The following SGCE variants were observed in gnomAD, a reference collection of about 807,000 sequenced individuals.
SGCE encodes the protein epsilon-sarcoglycan.
Under a neutral mutation model 57.8 loss-of-function variants are expected in SGCE, and 26 were observed. The observed-to-expected ratio is 0.45, with a 90% CI of 0.33 to 0.62. The LOEUF is 0.62. Ranked by LOEUF, SGCE falls within the 20% of genes least tolerant of loss-of-function variation. The pLI, the probability that SGCE is intolerant of heterozygous loss-of-function variation, is 0.02. For synonymous variants in SGCE, 183 were observed against 189.5 expected (o/e 0.97, Z 0.28); for missense variants, 468 against 548.6 (o/e 0.85, Z 1.47).
Position 94,656,007 on chromosome 7 carries a change from C to T in SGCE, c.92G>A (p.Gly31Asp). Residue 31 changes from glycine to aspartate, a missense_variant, in exon 1 of 11, where the codon GGC becomes GAC. Physicochemically the swap from Gly to Asp is moderately conservative, Grantham distance 94 (BLOSUM62 -1). Transcript: ENST00000648936. ...CCACTAACCTGTCAGCAAGAATGTG[C>T]CAGTGGTCGCGGGGCTCATCCTGCG... is the stretch of plus-strand genomic sequence containing the variant. The part of the protein sequence containing the change: ...GTRRMSPATT[G>D]TFLLTVYSIF... The T allele has an allele frequency of 1.9e-6, 3 of 1,609,480 alleles. No homozygotes were observed. The highest frequency in any genetic ancestry group is 2.6e-6 in the Non-Finnish European group (3 of 1,176,088).
chr7:94,587,618 T>G (rs1036965421), intron 10 of SGCE: 1 of 1,397,820 alleles, frequency 7.2e-7, no homozygotes, highest in Non-Finnish European at 9.2e-7. Context: ...CCTTCATCAA[T>G]CTCCTGAATG....
rs557783761 is a variant in SGCE, at chr7:94,614,718, T to C, written c.662+4040A>G. 3.9e-5 allele frequency among the ~76,000 whole-genome samples: 6 copies of C among 152,322 alleles called. No homozygotes were observed. The South Asian group carries it at 1.2e-3, about 32-fold the overall frequency. On this transcript the variant is annotated intron_variant, in intron 5 of 10. Transcript: ENST00000648936. ...AGGAGCCCTCTCTGTGATGCCTCAA[T>C]TGTGGTACTTAAAACACTGATTTTA... is the stretch of plus-strand genomic sequence containing the variant.
Position 94,618,816 on chromosome 7 carries a change from T to C in SGCE, c.604A>G (p.Thr202Ala). The C allele has an allele frequency of 1.2e-6, 2 of 1,614,068 alleles. No individual in the cohort carries two copies. The highest frequency in any genetic ancestry group is 1.7e-6 in the Non-Finnish European group (2 of 1,179,976). The change falls in exon 5 of 11, where the codon ACA becomes GCA. Residue 202 changes from threonine (T) to alanine (A), a missense_variant. By Grantham distance (58) the Thr-to-Ala change is moderately conservative. Coordinates refer to ENST00000648936, the MANE Select transcript of SGCE (RefSeq NM_003919.3). ...CTGCCACCCCTGTCTAGGGCCGATGTGATGTTTATGGCGTTCAGGCGCTCT... is the reference window on the plus strand; with the variant it reads ...CTGCCACCCCTGTCTAGGGCCGATGCGATGTTTATGGCGTTCAGGCGCTCT... ...QPERLNAINI[T>A]SALDRGGRVP...
At chr7:94,613,978 TAATAA>T (rs1801464797) in intron 5 of SGCE, among the ~76,000 whole-genome samples, 1 of 151,728 alleles carries the variant, frequency 6.6e-6, no homozygotes, top group Admixed American at 6.6e-5. Context: ...AAAACACATA[TAATAA>T]AATAAACAAG....
intron 10 of SGCE, chr7:94,587,562 T>C (rs1797069772): frequency 1.4e-5 from 18 of 1,328,508 alleles, no homozygotes; most frequent in Non-Finnish European, 1.5e-5. Context: ...GATTCATTTA[T>C]CTTTTTTCTC....
chr7:94,617,129 C>G (rs1042174425), intron 5 of SGCE: 1 of 152,140 alleles, frequency 6.6e-6, no homozygotes, highest in Non-Finnish European at 1.5e-5. Context: ...AGGCCCAGCC[C>G]TAGGCTCAAA....
intron 5 of SGCE, among the ~76,000 whole-genome samples, chr7:94,616,707 T>TA (rs1315680757): frequency 6.6e-6 from 1 of 152,214 alleles, no homozygotes; most frequent in African/African-American, 2.4e-5. Flanking sequence ...CATGATTTTA[T>TA]ATAACAACTA....
chr7:94,623,782 A>G, intron 3 of SGCE: 1 of 386,330 alleles, frequency 2.6e-6, no homozygotes. Context: ...GAGTTTAAGA[A>G]TTATAATGAA....
intron 9 of SGCE, among the ~76,000 whole-genome samples, chr7:94,591,916 C>T (rs1584489857): frequency 6.6e-6 from 1 of 152,096 alleles, no homozygotes; most frequent in Non-Finnish European, 1.5e-5. Context: ...AGTGGGTGTT[C>T]TAAGTGGTTG....
chr7:94,619,893 T>C (rs1229852280), intron 4 of SGCE: 1 of 152,200 alleles, frequency 6.6e-6, no homozygotes, highest in African/African-American at 2.4e-5. Context: ...TAAAAGAGAC[T>C]GCATATATAA....
chr7:94,631,820 C>T (rs1006986838), intron 1 of SGCE, among the ~76,000 whole-genome samples: 5 of 151,942 alleles, frequency 3.3e-5, no homozygotes, highest in Non-Finnish European at 7.4e-5. Context: ...GATCACAACC[C>T]TACATCCAAA....
chr7:94,593,867 A>G (rs932116042), intron 9 of SGCE, among the ~76,000 whole-genome samples: 3 of 152,068 alleles, frequency 2.0e-5, no homozygotes, highest in Non-Finnish European at 4.4e-5. Flanking sequence ...GGATTTTCCA[A>G]TCCTGAAACT....
chr7:94,607,011 AAG>A (rs1800242433), intron 5 of SGCE, among the ~76,000 whole-genome samples: 1 of 152,140 alleles, frequency 6.6e-6, no homozygotes, highest in Non-Finnish European at 1.5e-5. Flanking sequence ...ATTAGAAAAG[AAG>A]AGAGATCTAA....
At chr7:94,604,856 T>TATATAA (rs1562815619) in intron 5 of SGCE, among the ~76,000 whole-genome samples, 1 of 86,290 alleles carries the variant, frequency 1.2e-5, no homozygotes, top group African/African-American at 5.1e-5. Context: ...TATATATATA[T>TATATAA]ATAATAGTTG....
In SGCE at chr7:94,603,400, C is replaced by T. The variant is rs1280637900; in HGVS notation, c.715G>A (p.Val239Ile). 7 of 1,613,366 alleles carry T rather than the reference C, an allele frequency of 4.3e-6. No individual in the cohort carries two copies. The highest frequency in any genetic ancestry group is 5.9e-6 in the Non-Finnish European group (7 of 1,179,508). ...DVPFSSCLRE[V>I]ENPQNQLRCS... ...CTCAATTGATTCTGTGGATTTTCAA[C>T]TTCTCGTAAACAAGAAGAAAACGGG... The change falls in exon 6 of 11, where the codon GTT becomes ATT. Residue 239 changes from valine (V) to isoleucine (I), a missense_variant. Val to Ile is a conservative substitution (Grantham distance 29). Transcript: ENST00000648936.
At chr7:94,597,615 A>G (rs1798586889) in intron 9 of SGCE, 1 of 152,240 alleles carries the variant, frequency 6.6e-6, no homozygotes, top group Non-Finnish European at 1.5e-5. Context: ...TAGCCATTCC[A>G]TCTATAAAAG....
chr7:94,606,106 G>C (rs998517026), intron 5 of SGCE, among the ~76,000 whole-genome samples: 2 of 152,142 alleles, frequency 1.3e-5, no homozygotes, highest in African/African-American at 2.4e-5. Flanking sequence ...TGGGATTACA[G>C]GCGTGAGCTA....
At chr7:94,640,634 T>C (rs144547963) in intron 1 of SGCE, among the ~76,000 whole-genome samples, 11 of 152,066 alleles carry the variant, frequency 7.2e-5, no homozygotes, top group Non-Finnish European at 1.5e-4. Flanking sequence ...TTCTGTGTGT[T>C]TGTTTTGTTT....
chr7:94,645,360 C>T (rs1806914387), intron 1 of SGCE, among the ~76,000 whole-genome samples: 1 of 152,068 alleles, frequency 6.6e-6, no homozygotes, highest in Admixed American at 6.6e-5. Context: ...ATCTCATGCA[C>T]TATGGGCACC....
Sources: allele counts gnomAD v4.1 joint callset (sites outside exome capture counted in the v4.1 genomes callset), GRCh38; gene constraint gnomAD v4.1.1; transcripts MANE v1.5; gene names NCBI Gene and HGNC (gene_info 2026-07-23, HGNC 2026-07-21).